Variants in MCRIP1 observed in about 807,000 individuals in gnomAD.
MCRIP1 encodes the protein MAPK regulated corepressor interacting protein 1.
In MCRIP1, 10 loss-of-function variants were observed where a neutral mutation model predicts 14.4. The observed-to-expected ratio is 0.70, with a 90% confidence interval of 0.43 to 1.18. MCRIP1 has a LOEUF of 1.18. Among genes scored for constraint, MCRIP1 ranks in the 50% most tolerant of loss-of-function variants. The pLI is 0.00. For missense variants in MCRIP1, 119 were observed against 135.4 expected, an observed-to-expected ratio of 0.88 and a Z score of 0.60; for synonymous variants, 53 against 55.7, an observed-to-expected ratio of 0.95 and a Z score of 0.21.
At chr17:81,827,640 T>G (rs9675127) in intron 1 of MCRIP1, among the ~76,000 whole-genome samples, 30,040 of 151,560 alleles carry the variant, frequency 0.2, 3,147 homozygotes, top group African/African-American at 0.25. Context: ...TAGGATTGCT[T>G]GAGCTTGGGA....
At chr17:81,826,266 C>T (rs1158530012) in intron 1 of MCRIP1, 1 of 1,531,628 alleles carries the variant, frequency 6.5e-7, no homozygotes, top group Non-Finnish European at 8.7e-7. Context: ...CACATACCTA[C>T]CTGCACACAC....
chr17:81,824,349 G>C lies in MCRIP1; in HGVS notation c.65C>G (p.Pro22Arg). Residue 22 changes from proline to arginine, a missense_variant, in exon 3 of 5, where the codon CCA becomes CGA. Pro to Arg is a moderately radical substitution (Grantham distance 103, BLOSUM62 -2). Coordinates refer to ENST00000455127, the MANE Select transcript of MCRIP1 (RefSeq NM_207368.5). ...NGKRTSSPRS[P>R]PSSSEIFTPA... Reference sequence around the variant, plus strand: ...GGTGAAGATCTCGCTGCTGCTGGGTGGGGAGCGGGGGCTGCTGGTCCTCTT... The same window carrying C: ...GGTGAAGATCTCGCTGCTGCTGGGTCGGGAGCGGGGGCTGCTGGTCCTCTT... 6.5e-7 allele frequency: 1 copy of C among 1,531,472 alleles called. No individual in the cohort carries two copies. Among genetic ancestry groups the C allele is most frequent in the Non-Finnish European group, 8.7e-7 (1 of 1,144,802 alleles). The allele number at this position is 1,531,472 out of a possible 1,614,324, so 94.9% of individuals were successfully genotyped here.
chr17:81,831,278 T>A (rs139309641), intron 1 of MCRIP1, among the ~76,000 whole-genome samples: 4,459 of 151,496 alleles, frequency 0.029, 231 homozygotes, highest in African/African-American at 0.1. Context: ...GAGGCGCAGG[T>A]TGCAGTGAGC....
At chr17:81,826,515 C>T (rs140438341) in intron 1 of MCRIP1, 105,899 of 630,456 alleles carry the variant, frequency 0.17, 11,710 homozygotes, top group African/African-American at 0.33. Flanking sequence ...AGAGCAAGAC[C>T]CTGTGTCAAA....
At chr17:81,824,775 A>C (rs1013869647) in intron 1 of MCRIP1, 1 of 1,419,204 alleles carries the variant, frequency 7.0e-7, no homozygotes, top group African/African-American at 1.4e-5. Context: ...CAGACGAGCC[A>C]GACACACACA....
At chr17:81,824,884 G>A in intron 1 of MCRIP1, 1 of 1,218,542 alleles carries the variant, frequency 8.2e-7, no homozygotes, top group Non-Finnish European at 1.0e-6. Context: ...ACTGTGGCCA[G>A]AGCCCCTCCC....
intron 1 of MCRIP1, chr17:81,824,877 G>A: frequency 1.6e-6 from 2 of 1,235,448 alleles, no homozygotes; most frequent in East Asian, 3.7e-5. Flanking sequence ...CGGGAGCACT[G>A]TGGCCAGAGC....
At chr17:81,824,638 C>T (rs1463010272) in intron 1 of MCRIP1, 84 bp from the exon 2 acceptor site, 1 of 1,528,414 alleles carries the variant, frequency 6.5e-7, no homozygotes, top group African/African-American at 1.4e-5. Context: ...GCACACCTGC[C>T]TCCTCCCTTC....
chr17:81,824,156 G>A, intron 3 of MCRIP1, 131 bp downstream of exon 3: 1 of 752,864 alleles, frequency 1.3e-6, no homozygotes, highest in South Asian at 1.6e-5. Context: ...ACACAGTGAT[G>A]GGGCTATCTG....
rs1002770789 is a variant in MCRIP1, at chr17:81,822,726, G to A, written c.*521C>T. On this transcript the variant is annotated 3_prime_UTR_variant, in exon 5 of 5. Transcript: ENST00000455127. ...GGGAAGAGGCCAGGCTGGACGGTAG[G>A]GGTAGGTGTGAGAAGCTCCCCAGCG... The A allele has an allele frequency of 2.3e-5, 4 of 174,646 alleles. No homozygotes were observed. The highest frequency in any genetic ancestry group is 4.9e-5 in the Non-Finnish European group (4 of 81,248). The allele number at this position is 174,646 out of a possible 1,614,324, so 10.8% of individuals were successfully genotyped here. A position where few individuals can be genotyped will look rare whatever the true frequency, so the allele number is the denominator to read the frequency against.
In MCRIP1 at chr17:81,824,518, C is replaced by A. The variant is rs2038347799; in HGVS notation, c.-12G>T. The A allele has an allele frequency of 1.3e-6, 2 of 1,535,956 alleles. No individual in the cohort carries two copies. Among genetic ancestry groups the A allele is most frequent in the African/African-American group, 2.7e-5 (2 of 73,048 alleles). On this transcript the variant is annotated 5_prime_UTR_variant, in exon 2 of 5. Transcript: ENST00000455127. ...ACCCACCTGGTCATCGCGGGGGCGT[C>A]TGATCCTAGCGCTCCACCGCCAGAT... is the stretch of plus-strand genomic sequence containing the variant.
chr17:81,828,571 G>C (rs1201874329), intron 1 of MCRIP1, among the ~76,000 whole-genome samples: 1 of 152,138 alleles, frequency 6.6e-6, no homozygotes, highest in African/African-American at 2.4e-5. Context: ...AAAGGGAAGA[G>C]CCACCGCAGA....
rs1165050788 is a variant in MCRIP1 at position 81,823,791 on chromosome 17, G to C, written c.128-278C>G. On this transcript the variant is annotated intron_variant, in intron 3 of 4. Transcript: ENST00000455127. This position sits in a 1 kb window ranked among gnomAD's most constrained non-coding sequence, Gnocchi z 6.0. ...ACCCCAGGCTTCCCTGCGCCTCGGA[G>C]GCAGCGCATCCTCCTCAGCTAGGCC... The C allele has an allele frequency of 5.1e-6, 3 of 585,588 alleles. No homozygotes were observed. The African/African-American group carries it at 5.6e-5, about 11-fold the overall frequency. The allele number at this position is 585,588 out of a possible 1,614,324, so 36.3% of individuals were successfully genotyped here.
At position 81,823,772 on chromosome 17, in the gene MCRIP1, G is replaced by A; in HGVS notation, c.128-259C>T. On this transcript the variant is annotated intron_variant, in intron 3 of 4. Transcript: ENST00000455127. The surrounding 1 kb of genome is among the most constrained non-coding windows in gnomAD (Gnocchi z 6.0). ...GAGGGACCCCTATGACCCTACCCCA[G>A]GCTTCCCTGCGCCTCGGAGGCAGCG... The A allele has an allele frequency of 1.7e-6, 1 of 588,468 alleles. No homozygotes were observed. The highest frequency in any genetic ancestry group is 1.9e-5 in the African/African-American group (1 of 53,710). The allele number at this position is 588,468 out of a possible 1,614,324, so 36.5% of individuals were successfully genotyped here.
chr17:81,823,599 G>T lies in MCRIP1; in HGVS notation c.128-86C>A. The stretch of plus-strand genomic sequence containing the variant: ...ACGAGAGTGCCTGCCCTCAGCTCCT[G>T]CCCTCCCAGATCCTCTTCTCCCTCA... On this transcript the variant is annotated intron_variant, in intron 3 of 4. Transcript: ENST00000455127. The surrounding 1 kb of genome is among the most constrained non-coding windows in gnomAD (Gnocchi z 6.0). 1.8e-6 allele frequency: 2 copies of T among 1,103,480 alleles called. No individual in the cohort carries two copies. The highest frequency in any genetic ancestry group is 2.6e-6 in the Non-Finnish European group (2 of 761,644). 68.4% of individuals were successfully genotyped at this position (1,103,480 alleles called of 1,614,324 possible).
rs1314353441 is a variant in MCRIP1, at chr17:81,824,398, C to T, written c.16G>A (p.Val6Ile). 33 of 1,533,836 alleles carry T rather than the reference C, an allele frequency of 2.2e-5. No individual in the cohort carries two copies. Among genetic ancestry groups the T allele is most frequent in the East Asian group, 2.4e-5 (1 of 40,856 alleles). MTSSPVSRVVYNGKRT... is the reference protein window; with the variant it reads MTSSPISRVVYNGKRT... ...TTGCCGTTGTACACGACTCTGGAGA[C>T]GGGGGAGCTGGGGGAGCCTGGCGCA... Residue 6 changes from valine to isoleucine, a missense_variant, in exon 3 of 5, where the codon GTC becomes ATC. Physicochemically the swap from Val to Ile is conservative, Grantham distance 29. Coordinates refer to ENST00000455127, the MANE Select transcript of MCRIP1 (RefSeq NM_207368.5).
intron 1 of MCRIP1, among the ~76,000 whole-genome samples, chr17:81,832,019 C>T (rs1443261386): frequency 6.6e-6 from 1 of 152,108 alleles, no homozygotes; most frequent in African/African-American, 2.4e-5. Flanking sequence ...CAAATTCTTT[C>T]CCCCACACAG....
rs943535382 is a variant in MCRIP1 at position 81,822,821 on chromosome 17, C to T, written c.*426G>A. 1 of 290,954 alleles carries T rather than the reference C, an allele frequency of 3.4e-6. No individual in the cohort carries two copies. The highest frequency in any genetic ancestry group is 6.6e-6 in the Non-Finnish European group (1 of 151,128). 18.0% of individuals were successfully genotyped at this position (290,954 alleles called of 1,614,324 possible). A position where few individuals can be genotyped will look rare whatever the true frequency, so the allele number is the denominator to read the frequency against. ...TGGATGGGGTGGGGCTGCCCTTGTCCTGTATCCTGACCACTTCAAGGACAA... is the reference window on the plus strand; with the variant it reads ...TGGATGGGGTGGGGCTGCCCTTGTCTTGTATCCTGACCACTTCAAGGACAA... On this transcript the variant is annotated 3_prime_UTR_variant, in exon 5 of 5. Coordinates refer to ENST00000455127, the MANE Select transcript of MCRIP1 (RefSeq NM_207368.5).
rs111796415 is a variant in MCRIP1 at position 81,831,239 on chromosome 17, C to G, written c.-49+1999G>C. ...CCTGTAATTCCAGCTTCTCAGGAGTCTGAGGCAGGAGAATCGCTTTATACC... is the reference window on the plus strand; with the variant it reads ...CCTGTAATTCCAGCTTCTCAGGAGTGTGAGGCAGGAGAATCGCTTTATACC... On this transcript the variant is annotated intron_variant, in intron 1 of 4. Coordinates refer to ENST00000455127, the MANE Select transcript of MCRIP1 (RefSeq NM_207368.5). 3.0e-4 allele frequency among the ~76,000 whole-genome samples: 46 copies of G among 150,922 alleles called. No individual in the cohort carries two copies. The Middle Eastern group carries it at 0.014, about 46-fold the overall frequency.
Sources: gnomAD v4.1 joint callset for allele counts (sites outside exome capture counted in the v4.1 genomes callset) on GRCh38, gnomAD v4.1.1 for gene constraint, Gnocchi (gnomAD v3.1) non-coding constraint, MANE v1.5 for transcripts, NCBI Gene and HGNC (gene_info 2026-07-23, HGNC 2026-07-21) for gene names.